Variants in SECISBP2L observed in about 807,000 individuals in gnomAD.
SECISBP2L encodes selenocysteine insertion sequence-binding protein 2-like.
In SECISBP2L, 43 loss-of-function variants were observed where a neutral mutation model predicts 114.7. The observed-to-expected ratio is 0.38, with a 90% CI of 0.29 to 0.48. The LOEUF is 0.48. Ranked by LOEUF, SECISBP2L falls within the 20% of genes least tolerant of loss-of-function variation. The probability of loss-of-function intolerance (pLI) is 0.98; values close to 1 mark genes in which losing one functional copy is unlikely to be tolerated. For synonymous variants in SECISBP2L, 451 were observed against 439.7 expected (o/e 1.03, Z -0.32); for missense variants, 1,136 against 1,301.1 (o/e 0.87, Z 1.95).
At chr15:49,027,509 T>C (rs1187836735) in intron 6 of SECISBP2L, 29 bp from the exon 7 acceptor site, 4 of 1,404,134 alleles carry the variant, frequency 2.8e-6, no homozygotes, top group Non-Finnish European at 3.9e-6. Context: ...TAAATTATAA[T>C]TTACTTATAA....
rs8033060 is a variant in SECISBP2L at position 48,991,868 on chromosome 15, T to G, written c.*376A>C. ...AAACAATTTTTTGGTCAAATTAGAG[T>G]AGAGGAGGTGGAGTCCTGAAGCAAA... is the stretch of plus-strand genomic sequence containing the variant. On this transcript the variant is annotated 3_prime_UTR_variant, in exon 18 of 18. Transcript: ENST00000559471. 1,094 of 158,660 alleles carry G rather than the reference T, an allele frequency of 6.9e-3. 17 individuals carry two copies. Among genetic ancestry groups the G allele is most frequent in the African/African-American group, 0.025 (1,050 of 41,698 alleles). 9.8% of individuals were successfully genotyped at this position (158,660 alleles called of 1,614,324 possible).
At chr15:49,014,610 G>A (rs1420886774) in intron 11 of SECISBP2L, among the ~76,000 whole-genome samples, 1 of 151,884 alleles carries the variant, frequency 6.6e-6, no homozygotes, top group Non-Finnish European at 1.5e-5. Flanking sequence ...ACAGAATCTG[G>A]AGTCATCACT....
In SECISBP2L at chr15:49,019,542, C is replaced by A; in HGVS notation, c.1046G>T (p.Arg349Ile). ...EQRNNSQVGF[R>I]CRGHSTSSER... is the part of the protein sequence containing the mutation. ...TGAGGAAGTACTGTGTCCTCGGCAT[C>A]TGAATCCAACCTAAGTAAACCCCAG... The change falls in exon 8 of 18, where the codon AGA (arginine) becomes ATA (isoleucine). Residue 349 changes from arginine to isoleucine, a missense_variant. This residue lies in a region of SECISBP2L where 452 missense variants were observed against 452.3 expected (regional missense o/e 1.00). Transcript: ENST00000559471. 6.8e-7 allele frequency: 1 copy of A among 1,478,300 alleles called. No homozygotes were observed. The highest frequency in any genetic ancestry group is 8.9e-7 in the Non-Finnish European group (1 of 1,125,738). 91.6% of individuals were successfully genotyped at this position (1,478,300 alleles called of 1,614,324 possible).
chr15:49,000,509 C>A (rs933453894), intron 15 of SECISBP2L, among the ~76,000 whole-genome samples: 4 of 152,122 alleles, frequency 2.6e-5, no homozygotes, highest in African/African-American at 9.7e-5. Flanking sequence ...TGCTGGTTTG[C>A]CTAAGTGCCT....
chr15:49,014,197 AG>A (rs1439778585), intron 11 of SECISBP2L, among the ~76,000 whole-genome samples: 1 of 152,210 alleles, frequency 6.6e-6, no homozygotes, highest in East Asian at 1.9e-4. Context: ...TTTGGTACCA[AG>A]GACTACATCC....
intron 7 of SECISBP2L, among the ~76,000 whole-genome samples, chr15:49,025,733 G>A: frequency 6.6e-6 from 1 of 151,984 alleles, no homozygotes; most frequent in East Asian, 1.9e-4. Context: ...AAAAAATGCT[G>A]GTATGCTGGT....
chr15:49,018,026 T>A (rs534733452), intron 8 of SECISBP2L, among the ~76,000 whole-genome samples: 4 of 152,318 alleles, frequency 2.6e-5, no homozygotes, highest in African/African-American at 9.6e-5. Flanking sequence ...CACACAATTG[T>A]CAATAAGGTT....
At chr15:49,040,637 G>A (rs897251155) in intron 1 of SECISBP2L, among the ~76,000 whole-genome samples, 19 of 133,740 alleles carry the variant, frequency 1.4e-4, no homozygotes, top group African/African-American at 4.4e-4. Flanking sequence ...CAGGGTTCAC[G>A]CCATTCTCCT....
In SECISBP2L at chr15:48,990,196, A is replaced by AT. The variant is rs1901944434; in HGVS notation, c.*2047dup. The AT allele has an allele frequency of 6.5e-6, 1 of 152,688 alleles. No individual in the cohort carries two copies. The highest frequency in any genetic ancestry group is 6.5e-5 in the Admixed American group (1 of 15,292). The allele number at this position is 152,688 out of a possible 1,614,324, so 9.5% of individuals were successfully genotyped here. On this transcript the variant is annotated 3_prime_UTR_variant, in exon 18 of 18. Coordinates refer to ENST00000559471, the MANE Select transcript of SECISBP2L (RefSeq NM_001193489.2). ...TTCATGTTCAGAAGAGATATAAAAT[A>AT]TAAGAAACCTGTGAAAAGCCATCAT...
chr15:49,002,234 T>C (rs570366286), intron 14 of SECISBP2L, among the ~76,000 whole-genome samples: 73 of 152,374 alleles, frequency 4.8e-4, no homozygotes, highest in Non-Finnish European at 9.4e-4. Flanking sequence ...CATACGTTTC[T>C]TGACCGCATA....
chr15:49,009,722 C>T (rs538056222), intron 13 of SECISBP2L, among the ~76,000 whole-genome samples: 4 of 151,204 alleles, frequency 2.6e-5, no homozygotes, highest in African/African-American at 9.7e-5. Context: ...AAAAAAAAAA[C>T]ATTCCCTCTC....
chr15:48,996,236 C>A, intron 17 of SECISBP2L, 131 bp downstream of exon 17: 1 of 832,276 alleles, frequency 1.2e-6, no homozygotes, highest in Non-Finnish European at 1.9e-6. Context: ...ATGTTTAATG[C>A]AATGTTTTAA....
intron 11 of SECISBP2L, among the ~76,000 whole-genome samples, chr15:49,015,532 A>G (rs903606149): frequency 6.6e-6 from 1 of 152,144 alleles, no homozygotes; most frequent in African/African-American, 2.4e-5. Flanking sequence ...ACAAAATTCA[A>G]TTTTGCCTCT....
chr15:49,020,403 G>A (rs891842145), intron 7 of SECISBP2L, among the ~76,000 whole-genome samples: 9 of 151,736 alleles, frequency 5.9e-5, no homozygotes, highest in Non-Finnish European at 7.4e-5. Flanking sequence ...TAGAGACAGG[G>A]GTCTCGCTAT....
chr15:49,046,068 G>A (rs1286311812), intron 1 of SECISBP2L, among the ~76,000 whole-genome samples: 1 of 152,202 alleles, frequency 6.6e-6, no homozygotes, highest in Non-Finnish European at 1.5e-5. Flanking sequence ...CCCTCCGCCT[G>A]GGAAGTAATC....
In SECISBP2L at chr15:49,028,563, C is replaced by A; in HGVS notation, c.784G>T (p.Gly262Trp). 4 of 1,614,134 alleles carry A rather than the reference C, an allele frequency of 2.5e-6. No homozygotes were observed. Among genetic ancestry groups the A allele is most frequent in the Non-Finnish European group, 3.4e-6 (4 of 1,180,016 alleles). ...CTGTCAATGTCGGCTTCACTAGCCC[C>A]CTGCTCACTAGAAGATTCAGCAGTA... ...HPTAESSSEQ[G>W]ASEADIDSDS... is the part of the protein sequence containing the mutation. The change falls in exon 5 of 18, where the codon GGG (glycine) becomes TGG (tryptophan). Residue 262 changes from glycine (G) to tryptophan (W), a missense_variant. Coordinates refer to ENST00000559471, the MANE Select transcript of SECISBP2L (RefSeq NM_001193489.2).
At position 49,016,652 on chromosome 15, in the gene SECISBP2L, A is replaced by G. The variant is rs1436374224; in HGVS notation, c.1469T>C (p.Leu490Pro). The G allele has an allele frequency of 6.2e-7, 1 of 1,608,378 alleles. No homozygotes were observed. Among genetic ancestry groups the G allele is most frequent in the Non-Finnish European group, 8.5e-7 (1 of 1,177,140 alleles). The change falls in exon 11 of 18, where the codon CTA becomes CCA. Residue 490 changes from leucine (L) to proline (P), a missense_variant. Coordinates refer to ENST00000559471, the MANE Select transcript of SECISBP2L (RefSeq NM_001193489.2). ...AGKKNKTPVQLDLGDMLAALE... is the reference protein window; with the variant it reads ...AGKKNKTPVQPDLGDMLAALE... The stretch of plus-strand genomic sequence containing the variant: ...AGCAGCTAACATGTCCCCTAAATCT[A>G]GCTGCACAGGTGTTTTATTCTTTTT...
chr15:48,997,967 C>T (rs1444798341), intron 16 of SECISBP2L, among the ~76,000 whole-genome samples: 1 of 152,184 alleles, frequency 6.6e-6, no homozygotes, highest in African/African-American at 2.4e-5. Context: ...GTTTCTACAG[C>T]CACCAGAAGG....
At position 48,990,825 on chromosome 15, in the gene SECISBP2L, C is replaced by A. The variant is rs553360301; in HGVS notation, c.*1419G>T. On this transcript the variant is annotated 3_prime_UTR_variant, in exon 18 of 18. Coordinates refer to ENST00000559471, the MANE Select transcript of SECISBP2L (RefSeq NM_001193489.2). ...AGCTTGTAAGTGGAAAACACACACACGTACGGATGTGTGCATGTGTGTGAG... is the reference window on the plus strand; with the variant it reads ...AGCTTGTAAGTGGAAAACACACACAAGTACGGATGTGTGCATGTGTGTGAG... The A allele has an allele frequency of 5.3e-5, 5 of 94,176 alleles. No homozygotes were observed. Among genetic ancestry groups the A allele is most frequent in the African/African-American group, 2.1e-4 (5 of 23,590 alleles). 5.8% of individuals were successfully genotyped at this position (94,176 alleles called of 1,614,324 possible). A position where few individuals can be genotyped will look rare whatever the true frequency, so the allele number is the denominator to read the frequency against.
Sources: allele counts gnomAD v4.1 joint callset (sites outside exome capture counted in the v4.1 genomes callset), GRCh38; gene constraint gnomAD v4.1.1; regional missense constraint gnomAD v4.1.1; transcripts MANE v1.5; gene names NCBI Gene and HGNC (gene_info 2026-07-23, HGNC 2026-07-21).